CNTLN: variants seen among roughly 807,000 people sequenced by gnomAD.
The protein encoded by CNTLN is centlein.
In CNTLN, 212 loss-of-function variants were observed where a neutral mutation model predicts 180.0. The ratio of observed to expected loss-of-function variants is 1.18; its 90% confidence interval spans 1.05 to 1.32. The LOEUF is 1.32. Ranked by LOEUF, CNTLN falls within the 40% of genes most tolerant of loss-of-function variation. The pLI is 0.00. For missense variants in CNTLN, 2,095 were observed against 1,610.9 expected (o/e 1.30, Z -5.14); for synonymous variants, 722 against 563.1 (o/e 1.28, Z -3.99).
chr9:17,502,436 A>C, intron 25 of CNTLN, 115 bp from the exon 26 acceptor site: 1 of 537,148 alleles, frequency 1.9e-6, no homozygotes, highest in Non-Finnish European at 3.3e-6. Flanking sequence ...GTAGGGTACC[A>C]TTATGGCTGC....
At chr9:17,506,815 A>G (rs1833940732), downstream of CNTLN, among the ~76,000 whole-genome samples, 1 of 152,124 alleles carries the variant, frequency 6.6e-6, no homozygotes, top group African/African-American at 2.4e-5. Flanking sequence ...ACATGGGCAG[A>G]AGAGTTGCTA....
chr9:17,497,211 A>G (rs1396674801), intron 25 of CNTLN, among the ~76,000 whole-genome samples: 1 of 152,076 alleles, frequency 6.6e-6, no homozygotes, highest in African/African-American at 2.4e-5. Context: ...ACTTGATAGG[A>G]GTGGAAAATG....
At chr9:17,374,773 A>G (rs989919746) in intron 13 of CNTLN, among the ~76,000 whole-genome samples, 3 of 151,930 alleles carry the variant, frequency 2.0e-5, no homozygotes, top group African/African-American at 7.3e-5. Flanking sequence ...AGACAAGAGA[A>G]TCCCTTGAAC....
At chr9:17,428,096 G>T (rs897752574) in intron 18 of CNTLN, among the ~76,000 whole-genome samples, 2 of 152,150 alleles carry the variant, frequency 1.3e-5, no homozygotes, top group Admixed American at 1.3e-4. Context: ...GATCACCCTT[G>T]TTCAAGGAAT....
At chr9:17,444,253 C>T (rs1830275897) in intron 18 of CNTLN, 1 of 152,144 alleles carries the variant, frequency 6.6e-6, no homozygotes, top group African/African-American at 2.4e-5. Flanking sequence ...TGTGGTAAGC[C>T]TACATTCTTA....
intron 15 of CNTLN, among the ~76,000 whole-genome samples, chr9:17,400,256 GC>G (rs1242990150): frequency 1.3e-5 from 2 of 152,054 alleles, no homozygotes; most frequent in Non-Finnish European, 1.5e-5. Flanking sequence ...TCCTGCCTCA[GC>G]CTCCTGCGTA....
intron 13 of CNTLN, among the ~76,000 whole-genome samples, chr9:17,383,086 G>C (rs1390946200): frequency 6.6e-6 from 1 of 151,654 alleles, no homozygotes; most frequent in Non-Finnish European, 1.5e-5. Context: ...TGTTCTCTTT[G>C]TTTGTACCCT....
chr9:17,402,969 C>T (rs1827097785), intron 15 of CNTLN, among the ~76,000 whole-genome samples: 1 of 151,752 alleles, frequency 6.6e-6, no homozygotes, highest in South Asian at 2.1e-4. Context: ...ATCCACCTCT[C>T]TACTTCCCAC....
chr9:17,183,988 G>A (rs761665766), intron 2 of CNTLN, among the ~76,000 whole-genome samples: 1 of 152,052 alleles, frequency 6.6e-6, no homozygotes, highest in Non-Finnish European at 1.5e-5. Context: ...GTAATTTCTG[G>A]TTGAAATGGA....
intron 2 of CNTLN, among the ~76,000 whole-genome samples, chr9:17,152,669 A>G (rs1183483155): frequency 2.0e-5 from 3 of 152,284 alleles, no homozygotes; most frequent in African/African-American, 7.2e-5. Flanking sequence ...GTAGATGTCT[A>G]TTAGGTCCCC....
intron 5 of CNTLN, among the ~76,000 whole-genome samples, chr9:17,262,504 CAT>C: frequency 6.6e-6 from 1 of 151,244 alleles, no homozygotes; most frequent in Middle Eastern, 3.4e-3. Context: ...TGTTCTCACT[CAT>C]AAGTGGGAGT....
intron 10 of CNTLN, among the ~76,000 whole-genome samples, chr9:17,340,531 G>C (rs962013761): frequency 6.6e-6 from 1 of 152,044 alleles, no homozygotes; most frequent in Non-Finnish European, 1.5e-5. Flanking sequence ...ATGTAAGATA[G>C]GTTTATGAAT....
At chr9:17,298,085 C>A (rs1452808129) in intron 6 of CNTLN, 105 bp from the exon 7 acceptor site, 3 of 913,168 alleles carry the variant, frequency 3.3e-6, no homozygotes, top group Non-Finnish European at 4.6e-6. Context: ...GTACAAATAA[C>A]AGATGCAAAA....
intron 10 of CNTLN, among the ~76,000 whole-genome samples, chr9:17,333,100 C>T (rs1040166305): frequency 3.9e-5 from 6 of 151,908 alleles, no homozygotes; most frequent in African/African-American, 1.2e-4. Context: ...AGTTTAAAAG[C>T]ATATTAACCT....
chr9:17,471,814 A>G lies in CNTLN; in HGVS notation c.3855+4923A>G, dbSNP rs558046132. Reference sequence around the variant, plus strand: ...TTTGTAACAGATAAGAGAGAAGTAAAGATAAAGGCCAGATGGAAGTAGCAC... The same window carrying G: ...TTTGTAACAGATAAGAGAGAAGTAAGGATAAAGGCCAGATGGAAGTAGCAC... On this transcript the variant is annotated intron_variant, in intron 23 of 25. Transcript: ENST00000380647. Among the ~76,000 whole-genome samples, 99 of 152,204 alleles carry G rather than the reference A, an allele frequency of 6.5e-4. 1 individual carries two copies. Among genetic ancestry groups the G allele is most frequent in the Middle Eastern group, 6.8e-3 (2 of 294 alleles).
chr9:17,359,731 A>AC (rs1564027258), intron 12 of CNTLN, among the ~76,000 whole-genome samples: 9 of 99,284 alleles, frequency 9.1e-5, no homozygotes, highest in African/African-American at 2.9e-4. Flanking sequence ...AATACAAAAA[A>AC]AAAAAAAAAA....
intron 16 of CNTLN, among the ~76,000 whole-genome samples, chr9:17,412,667 G>A (rs961346169): frequency 1.3e-5 from 2 of 152,148 alleles, no homozygotes; most frequent in South Asian, 2.1e-4. Context: ...AGTGTTCTGA[G>A]TAGGCTAGGC....
chr9:17,239,120 C>A (rs113362045), intron 5 of CNTLN, among the ~76,000 whole-genome samples: 3,620 of 152,236 alleles, frequency 0.024, 173 homozygotes, highest in African/African-American at 0.083. Context: ...TCACTGCAAC[C>A]TCTGCCTTCC....
At chr9:17,437,191 C>A (rs1443829811) in intron 18 of CNTLN, among the ~76,000 whole-genome samples, 2 of 152,138 alleles carry the variant, frequency 1.3e-5, no homozygotes, top group African/African-American at 2.4e-5. Context: ...CTGTCTTATT[C>A]CTATGTCCTG....
Sources: allele counts gnomAD v4.1 joint callset (sites outside exome capture counted in the v4.1 genomes callset), GRCh38; gene constraint gnomAD v4.1.1; transcripts MANE v1.5; gene names NCBI Gene and HGNC (gene_info 2026-07-23, HGNC 2026-07-21).